PTPN4: variants seen among roughly 807,000 people sequenced by gnomAD.
PTPN4 encodes tyrosine-protein phosphatase non-receptor type 4.
A neutral mutation model predicts 135.5 loss-of-function variants in PTPN4; 49 were observed. The ratio of observed to expected loss-of-function variants is 0.36; its 90% confidence interval spans 0.29 to 0.46. The LOEUF (loss-of-function observed/expected upper bound fraction) is 0.46. PTPN4 is among the 20% of genes least tolerant of loss of function. PTPN4 has a pLI of 1.00. For missense variants in PTPN4, 860 were observed against 1,101.0 expected (o/e 0.78, Z 3.10); for synonymous variants, 333 against 369.9 (o/e 0.90, Z 1.14).
At chr2:119,869,586 A>C (rs1677880055) in intron 3 of PTPN4, among the ~76,000 whole-genome samples, 1 of 152,128 alleles carries the variant, frequency 6.6e-6, no homozygotes, top group Non-Finnish European at 1.5e-5. Context: ...CCCCATTCCT[A>C]AACTCTGTCC....
At chr2:119,869,218 C>T (rs1215929735) in intron 3 of PTPN4, among the ~76,000 whole-genome samples, 2 of 152,202 alleles carry the variant, frequency 1.3e-5, no homozygotes, top group East Asian at 3.8e-4. Context: ...AAAAGCAGAT[C>T]AGTGGTTGCC....
At chr2:119,967,221 A>C (rs947509626) in intron 25 of PTPN4, among the ~76,000 whole-genome samples, 1 of 152,194 alleles carries the variant, frequency 6.6e-6, no homozygotes, top group African/African-American at 2.4e-5. Context: ...TGAGGCGGGC[A>C]GATCACCTGA....
intron 1 of PTPN4, among the ~76,000 whole-genome samples, chr2:119,778,957 A>G (rs1301604063): frequency 6.6e-6 from 1 of 152,184 alleles, no homozygotes; most frequent in Non-Finnish European, 1.5e-5. Flanking sequence ...GAAGCTTCTT[A>G]TTTAAGTTGT....
intron 2 of PTPN4, among the ~76,000 whole-genome samples, chr2:119,824,107 C>T (rs1677110910): frequency 6.6e-6 from 1 of 152,110 alleles, no homozygotes; most frequent in South Asian, 2.1e-4. Context: ...TGAGGATTTT[C>T]CATATATCTT....
At chr2:119,788,915 G>C (rs1691091332) in intron 1 of PTPN4, among the ~76,000 whole-genome samples, 2 of 152,128 alleles carry the variant, frequency 1.3e-5, no homozygotes, top group South Asian at 4.1e-4. Flanking sequence ...CCAGCTTTCA[G>C]TTATTTTGGG....
intron 25 of PTPN4, among the ~76,000 whole-genome samples, chr2:119,966,655 C>T (rs1374824651): frequency 1.3e-5 from 2 of 152,208 alleles, no homozygotes. Context: ...AGGTTACAGC[C>T]TAATATTTAG....
At chr2:119,908,306 C>A (rs1168536143) in intron 10 of PTPN4, among the ~76,000 whole-genome samples, 1 of 152,094 alleles carries the variant, frequency 6.6e-6, no homozygotes. Context: ...TGCAAATGGT[C>A]AAATTGAAGG....
chr2:119,909,721 A>C (rs2105021272), intron 10 of PTPN4, among the ~76,000 whole-genome samples: 1 of 152,346 alleles, frequency 6.6e-6, no homozygotes, highest in Non-Finnish European at 1.5e-5. Flanking sequence ...GATGCCATTG[A>C]GAACATTCAT....
intron 26 of PTPN4, among the ~76,000 whole-genome samples, chr2:119,970,034 G>C (rs1679506709): frequency 6.6e-6 from 1 of 151,838 alleles, no homozygotes; most frequent in African/African-American, 2.4e-5. Flanking sequence ...TGCAACTATT[G>C]CTACTATATA....
intron 2 of PTPN4, among the ~76,000 whole-genome samples, chr2:119,839,926 G>A (rs1452725698): frequency 2.6e-5 from 4 of 152,146 alleles, no homozygotes. Flanking sequence ...CTTCCTTCCA[G>A]TGGAAAGTAT....
chr2:119,784,786 C>T (rs1489030813), intron 1 of PTPN4, among the ~76,000 whole-genome samples: 2 of 150,336 alleles, frequency 1.3e-5, no homozygotes, highest in African/African-American at 2.5e-5. Flanking sequence ...AGTCTGCCCG[C>T]CTCAGCCTAC....
At chr2:119,888,330 C>T (rs1380948887) in intron 9 of PTPN4, among the ~76,000 whole-genome samples, 1 of 152,052 alleles carries the variant, frequency 6.6e-6, no homozygotes, top group Non-Finnish European at 1.5e-5. Context: ...AATTTGGATA[C>T]CTTTTCCTTC....
chr2:119,805,580 C>T (rs1325261830), intron 1 of PTPN4, among the ~76,000 whole-genome samples: 2 of 152,144 alleles, frequency 1.3e-5, no homozygotes, highest in African/African-American at 4.8e-5. Flanking sequence ...TGTCAAAGAT[C>T]AGATGGTTGT....
At chr2:119,869,773 A>T (rs1167035961) in intron 3 of PTPN4, among the ~76,000 whole-genome samples, 1 of 152,212 alleles carries the variant, frequency 6.6e-6, no homozygotes, top group Non-Finnish European at 1.5e-5. Context: ...TACACTCATG[A>T]ACACACAGAG....
intron 18 of PTPN4, among the ~76,000 whole-genome samples, chr2:119,950,969 G>GA (rs796924053): frequency 2.0e-5 from 3 of 151,992 alleles, no homozygotes; most frequent in Non-Finnish European, 4.4e-5. Flanking sequence ...AAAAGGAAAT[G>GA]AAAAAAATAG....
At chr2:119,811,370 A>G (rs2104949271) in intron 2 of PTPN4, among the ~76,000 whole-genome samples, 1 of 152,342 alleles carries the variant, frequency 6.6e-6, no homozygotes, top group South Asian at 2.1e-4. Flanking sequence ...TGAATATTAC[A>G]TCATTATCAT....
At chr2:119,855,834 G>C (rs1311935851) in intron 2 of PTPN4, among the ~76,000 whole-genome samples, 1 of 151,868 alleles carries the variant, frequency 6.6e-6, no homozygotes, top group African/African-American at 2.4e-5. Context: ...GACAGACTCT[G>C]TCTTTGTTGC....
chr2:119,846,034 A>G (rs1677494320), intron 2 of PTPN4, among the ~76,000 whole-genome samples: 1 of 152,036 alleles, frequency 6.6e-6, no homozygotes, highest in Admixed American at 6.6e-5. Flanking sequence ...GTTTGATTCC[A>G]TTTGTTGTTG....
intron 2 of PTPN4, among the ~76,000 whole-genome samples, chr2:119,851,745 A>G (rs1409527627): frequency 3.9e-5 from 6 of 152,156 alleles, no homozygotes; most frequent in South Asian, 2.1e-4. Context: ...CCTGCATTCA[A>G]TTAACACTTT....
Sources: allele counts gnomAD v4.1 joint callset (sites outside exome capture counted in the v4.1 genomes callset), GRCh38; gene constraint gnomAD v4.1.1; transcripts MANE v1.5; gene names NCBI Gene and HGNC (gene_info 2026-07-23, HGNC 2026-07-21).